The following PSEN1 variants were observed in gnomAD, a reference collection of about 807,000 sequenced individuals.
The protein encoded by PSEN1 is presenilin-1.
PSEN1 carries 15 observed loss-of-function variants against 53.5 expected under a neutral mutation model. The observed-to-expected ratio is 0.28, with a 90% CI of 0.19 to 0.43. The LOEUF (loss-of-function observed/expected upper bound fraction) is 0.43. Among genes scored for constraint, PSEN1 ranks in the 20% least tolerant of loss-of-function variants. PSEN1 has a pLI of 1.00. For synonymous variants in PSEN1, 208 were observed against 209.8 expected (o/e 0.99, Z 0.08); for missense variants, 387 against 571.2 (o/e 0.68, Z 3.29).
chr14:73,200,636 G>A (rs7159873), intron 8 of PSEN1, among the ~76,000 whole-genome samples: 219 of 152,162 alleles, frequency 1.4e-3, no homozygotes, highest in African/African-American at 4.9e-3. Flanking sequence ...TAAATTTCAC[G>A]GTAACTATCA....
chr14:73,147,068 C>T (rs10142485), intron 1 of PSEN1, among the ~76,000 whole-genome samples: 139 of 151,298 alleles, frequency 9.2e-4, no homozygotes, highest in African/African-American at 3.2e-3. Flanking sequence ...TTTCTGCAAC[C>T]TCCACCTCCT....
intron 3 of PSEN1, among the ~76,000 whole-genome samples, chr14:73,166,037 ACT>A (rs1428713400): frequency 1.3e-5 from 2 of 149,614 alleles, no homozygotes; most frequent in Non-Finnish European, 3.0e-5. Context: ...ACAGAATGAG[ACT>A]CTGTCTCCAA....
intron 1 of PSEN1, among the ~76,000 whole-genome samples, chr14:73,144,491 T>C (rs937626857): frequency 2.6e-5 from 4 of 152,200 alleles, no homozygotes; most frequent in African/African-American, 9.7e-5. Flanking sequence ...GTAATCAAAA[T>C]CGCTTCAAAA....
chr14:73,212,752 C>T (rs1899754213), intron 10 of PSEN1, among the ~76,000 whole-genome samples: 1 of 152,218 alleles, frequency 6.6e-6, no homozygotes, highest in Non-Finnish European at 1.5e-5. Context: ...TTCTTAGGAA[C>T]ATTATCAGCC....
chr14:73,155,397 T>C (rs1897325698), intron 3 of PSEN1, among the ~76,000 whole-genome samples: 1 of 152,234 alleles, frequency 6.6e-6, no homozygotes. Context: ...ATTAGTACAC[T>C]ACCTAGCACA....
intron 3 of PSEN1, among the ~76,000 whole-genome samples, chr14:73,160,340 A>G (rs754550518): frequency 1.3e-5 from 2 of 152,248 alleles, no homozygotes; most frequent in African/African-American, 2.4e-5. Flanking sequence ...GAATAATGCT[A>G]TGGTGAAAGT....
intron 8 of PSEN1, among the ~76,000 whole-genome samples, chr14:73,203,678 C>T (rs1436771202): frequency 2.0e-5 from 3 of 152,054 alleles, no homozygotes; most frequent in Admixed American, 6.6e-5. Context: ...TTACTTCTGT[C>T]GTTTGACAGA....
At chr14:73,148,714 C>G (rs1456846621) in intron 3 of PSEN1, among the ~76,000 whole-genome samples, 1 of 152,118 alleles carries the variant, frequency 6.6e-6, no homozygotes, top group Non-Finnish European at 1.5e-5. Flanking sequence ...GGGCAGATCA[C>G]CTGAGGTTAG....
rs1015361825 is a variant in PSEN1 at position 73,219,474 on chromosome 14, GA to G, written c.*189del. ...TGGACTTTGGAAGGAGGTGCCTATA[GA>G]AAACGATTTTGAACATACTTCATCG... On this transcript the variant is annotated 3_prime_UTR_variant, in exon 12 of 12. Coordinates refer to ENST00000324501, the MANE Select transcript of PSEN1 (RefSeq NM_000021.4). 1.5e-6 allele frequency: 1 copy of G among 672,628 alleles called. No homozygotes were observed. The highest frequency in any genetic ancestry group is 2.4e-5 in the Admixed American group (1 of 41,176). 41.7% of individuals were successfully genotyped at this position (672,628 alleles called of 1,614,324 possible).
chr14:73,211,971 C>A, intron 10 of PSEN1, 29 bp downstream of exon 10: 1 of 1,603,370 alleles, frequency 6.2e-7, no homozygotes, highest in South Asian at 1.1e-5. Flanking sequence ...GTTGCAAAGT[C>A]ATGGATTCCT....
chr14:73,215,375 G>A (rs1899870556), intron 10 of PSEN1, among the ~76,000 whole-genome samples: 1 of 151,828 alleles, frequency 6.6e-6, no homozygotes, highest in Admixed American at 6.6e-5. Flanking sequence ...CCTGAGGTTT[G>A]GAGTTTGAGA....
chr14:73,156,954 G>A (rs1431307427), intron 3 of PSEN1, among the ~76,000 whole-genome samples: 3 of 151,724 alleles, frequency 2.0e-5, no homozygotes, highest in African/African-American at 7.3e-5. Flanking sequence ...GAGCCACCAC[G>A]CCTGGCCTTT....
chr14:73,207,413 G>A (rs566760377), intron 9 of PSEN1, among the ~76,000 whole-genome samples: 10 of 152,214 alleles, frequency 6.6e-5, no homozygotes, highest in Non-Finnish European at 1.2e-4. Flanking sequence ...AAAAACAACA[G>A]GCACAGTAAA....
At chr14:73,140,430 C>T (rs1332946072) in intron 1 of PSEN1, among the ~76,000 whole-genome samples, 2 of 151,608 alleles carry the variant, frequency 1.3e-5, no homozygotes, top group African/African-American at 2.4e-5. Context: ...AGGCTGGTCT[C>T]GAACTCCTGA....
intron 7 of PSEN1, chr14:73,197,755 T>C: frequency 6.9e-6 from 3 of 434,672 alleles, no homozygotes; most frequent in Non-Finnish European, 8.5e-6. Flanking sequence ...GACTTGTTCC[T>C]ATACCCCAGT....
chr14:73,138,960 C>CTT (rs1010978432), intron 1 of PSEN1, among the ~76,000 whole-genome samples: 2 of 136,846 alleles, frequency 1.5e-5, no homozygotes, highest in African/African-American at 5.5e-5. Flanking sequence ...GAGCCAGACT[C>CTT]TGTCAAGAAA....
At chr14:73,139,022 G>A (rs535382685) in intron 1 of PSEN1, among the ~76,000 whole-genome samples, 36 of 142,490 alleles carry the variant, frequency 2.5e-4, no homozygotes, top group African/African-American at 9.5e-4. Context: ...AGCGGCTCAC[G>A]CCTGTAAACC....
intron 5 of PSEN1, among the ~76,000 whole-genome samples, chr14:73,179,815 C>T (rs1898154280): frequency 6.6e-6 from 1 of 152,112 alleles, no homozygotes; most frequent in Non-Finnish European, 1.5e-5. Flanking sequence ...GCCCACCTAC[C>T]TCTCATTACT....
intron 5 of PSEN1, among the ~76,000 whole-genome samples, chr14:73,181,946 G>A (rs765102624): frequency 6.6e-6 from 1 of 152,016 alleles, no homozygotes; most frequent in African/African-American, 2.4e-5. Context: ...GCTAATGTTC[G>A]TATTTTTAGT....
Sources: gnomAD v4.1 joint callset for allele counts (sites outside exome capture counted in the v4.1 genomes callset) on GRCh38, gnomAD v4.1.1 for gene constraint, MANE v1.5 for transcripts, NCBI Gene and HGNC (gene_info 2026-07-23, HGNC 2026-07-21) for gene names.